The following IPCEF1 variants were observed in gnomAD, a reference collection of about 807,000 sequenced individuals.
IPCEF1 encodes the protein interaction protein for cytohesin exchange factors 1, also known as interactor protein for cytohesin exchange factors 1.
Under a neutral mutation model 50.9 loss-of-function variants are expected in IPCEF1, and 31 were observed. That is an observed-to-expected ratio of 0.61 (90% CI 0.46 to 0.82). The LOEUF is 0.82. Among genes scored for constraint, IPCEF1 ranks in the 40% least tolerant of loss-of-function variants. The pLI, the probability that IPCEF1 is intolerant of heterozygous loss-of-function variation, is 0.00. For missense variants in IPCEF1, 458 were observed against 514.0 expected (o/e 0.89, Z 1.05); for synonymous variants, 181 against 192.0 (o/e 0.94, Z 0.47).
chr6:154,306,115 C>A (rs1025234078), intron 1 of IPCEF1, among the ~76,000 whole-genome samples: 1 of 152,172 alleles, frequency 6.6e-6, no homozygotes, highest in Admixed American at 6.5e-5. Flanking sequence ...ATACATCCAG[C>A]TTCCTTCTCC....
intron 2 of IPCEF1, among the ~76,000 whole-genome samples, chr6:154,275,009 AG>A (rs1378143782): frequency 1.3e-5 from 2 of 152,220 alleles, no homozygotes; most frequent in African/African-American, 4.8e-5. Flanking sequence ...TTATATAGGC[AG>A]GGGTCCTACA....
chr6:154,317,548 CAAAAAA>C (rs71021041), intron 1 of IPCEF1, among the ~76,000 whole-genome samples: 2 of 16,300 alleles, frequency 1.2e-4, no homozygotes, highest in East Asian at 2.7e-3. Context: ...GACTCCATCT[CAAAAAA>C]AAAAAAAAAA....
chr6:154,347,073 G>A (rs1190252171), intron 1 of IPCEF1, among the ~76,000 whole-genome samples: 1 of 152,130 alleles, frequency 6.6e-6, no homozygotes, highest in South Asian at 2.1e-4. Context: ...AGGCAAATCT[G>A]GGCTGAGCAC....
intron 7 of IPCEF1, among the ~76,000 whole-genome samples, chr6:154,216,488 T>C (rs752616001): frequency 9.2e-5 from 14 of 152,236 alleles, no homozygotes; most frequent in Non-Finnish European, 1.6e-4. Context: ...ATGTTTAGCC[T>C]GATCCACTGT....
At position 154,183,077 on chromosome 6, in the gene IPCEF1, T is replaced by C. The variant is rs867012723; in HGVS notation, c.911-14964A>G. On this transcript the variant is annotated intron_variant, in intron 10 of 11. Transcript: ENST00000367220. The stretch of plus-strand genomic sequence containing the variant: ...TCACTGCAACCTCTGCCTCCCAGGT[T>C]CAAGTGATTCTCCTGCCTCAGCTTC... 5.9e-5 allele frequency among the ~76,000 whole-genome samples: 9 copies of C among 152,244 alleles called. No individual in the cohort carries two copies. In the South Asian group the frequency reaches 1.7e-3, roughly 28 times the overall value.
At chr6:154,239,585 CCTGTCCA>C (rs1780411332) in intron 5 of IPCEF1, among the ~76,000 whole-genome samples, 3 of 152,210 alleles carry the variant, frequency 2.0e-5, no homozygotes, top group Admixed American at 2.0e-4. Context: ...CACGTTTTGC[CCTGTCCA>C]GACATGTCAA....
intron 9 of IPCEF1, among the ~76,000 whole-genome samples, chr6:154,208,670 T>C (rs1365084580): frequency 1.3e-5 from 2 of 152,228 alleles, no homozygotes; most frequent in South Asian, 2.1e-4. Flanking sequence ...TATCTCATGA[T>C]GCTTTTTTAA....
chr6:154,314,789 C>T (rs1464804518), intron 1 of IPCEF1, among the ~76,000 whole-genome samples: 1 of 152,032 alleles, frequency 6.6e-6, no homozygotes, highest in Non-Finnish European at 1.5e-5. Flanking sequence ...TGTTTTTTAT[C>T]CCTAAAAATC....
At chr6:154,179,561 G>A (rs1399380042) in intron 10 of IPCEF1, among the ~76,000 whole-genome samples, 1 of 152,122 alleles carries the variant, frequency 6.6e-6, no homozygotes, top group Non-Finnish European at 1.5e-5. Context: ...TGTTTCCAAT[G>A]CAATTTTTAT....
intron 2 of IPCEF1, among the ~76,000 whole-genome samples, chr6:154,278,621 G>A (rs1026357544): frequency 2.0e-5 from 3 of 152,066 alleles, no homozygotes; most frequent in Non-Finnish European, 2.9e-5. Context: ...ATGCTTGATG[G>A]TGACATGTTG....
At chr6:154,170,457 C>A (rs527527798) in intron 10 of IPCEF1, among the ~76,000 whole-genome samples, 7 of 152,316 alleles carry the variant, frequency 4.6e-5, no homozygotes, top group Admixed American at 2.0e-4. Context: ...GAATTAGTTT[C>A]CCCTATCCAT....
intron 1 of IPCEF1, among the ~76,000 whole-genome samples, chr6:154,332,010 C>T (rs1397452767): frequency 6.6e-6 from 1 of 152,152 alleles, no homozygotes; most frequent in Non-Finnish European, 1.5e-5. Context: ...ACTTTCACTC[C>T]TGTTCTAAAA....
At chr6:154,247,608 C>G in intron 3 of IPCEF1, 120 bp from the exon 4 acceptor site, 1 of 755,774 alleles carries the variant, frequency 1.3e-6, no homozygotes, top group Non-Finnish European at 2.2e-6. Flanking sequence ...AAAAAAAACT[C>G]TCCAGGCAGA....
chr6:154,261,308 T>C (rs1781594670), intron 3 of IPCEF1, among the ~76,000 whole-genome samples: 1 of 152,220 alleles, frequency 6.6e-6, no homozygotes. Flanking sequence ...ATTGCAGGCA[T>C]GAGCCACTTC....
At position 154,284,349 on chromosome 6, in the gene IPCEF1, G is replaced by A. The variant is rs375698165; in HGVS notation, c.-18+5364C>T. Among the ~76,000 whole-genome samples the A allele has an allele frequency of 3.9e-5, 6 of 152,336 alleles. No individual in the cohort carries two copies. In the South Asian group the frequency reaches 6.2e-4, roughly 16 times the overall value. On this transcript the variant is annotated intron_variant, in intron 2 of 11. Coordinates refer to ENST00000367220, the MANE Select transcript of IPCEF1 (RefSeq NM_001130700.2). ...GGTGTTGTATAGAGATACTGGATGTGATAACTTTGCAGCACATACCATCAG... is the reference window on the plus strand; with the variant it reads ...GGTGTTGTATAGAGATACTGGATGTAATAACTTTGCAGCACATACCATCAG...
At chr6:154,269,626 A>T (rs1349736472) in intron 2 of IPCEF1, among the ~76,000 whole-genome samples, 1 of 152,156 alleles carries the variant, frequency 6.6e-6, no homozygotes, top group East Asian at 1.9e-4. Flanking sequence ...GTGAGCAACC[A>T]TGCCTGGCCA....
chr6:154,178,812 C>T (rs1270797690), intron 10 of IPCEF1, among the ~76,000 whole-genome samples: 1 of 152,188 alleles, frequency 6.6e-6, no homozygotes, highest in East Asian at 1.9e-4. Context: ...ACTCAGCTTC[C>T]TGCCTCTCAG....
chr6:154,202,272 T>C (rs1321835341), intron 9 of IPCEF1, among the ~76,000 whole-genome samples: 2 of 152,218 alleles, frequency 1.3e-5, no homozygotes, highest in African/African-American at 4.8e-5. Flanking sequence ...TTCAGGAATA[T>C]GTCAAGTACC....
intron 1 of IPCEF1, among the ~76,000 whole-genome samples, chr6:154,335,850 A>G (rs527968934): frequency 6.6e-6 from 1 of 152,326 alleles, no homozygotes; most frequent in South Asian, 2.1e-4. Context: ...ATGAATAGAC[A>G]TTCTCAAAAG....
Sources: allele counts gnomAD v4.1 joint callset (sites outside exome capture counted in the v4.1 genomes callset), GRCh38; gene constraint gnomAD v4.1.1; transcripts MANE v1.5; gene names NCBI Gene and HGNC (gene_info 2026-07-23, HGNC 2026-07-21).